Variants in PKHD1L1 observed in about 807,000 individuals in gnomAD.
PKHD1L1 encodes the protein PKHD1 like 1, also known as fibrocystin-L.
In PKHD1L1, 434 loss-of-function variants were observed where a neutral mutation model predicts 462.9. The observed-to-expected ratio is 0.94, with a 90% CI of 0.87 to 1.02. PKHD1L1 has a LOEUF of 1.02. Ranked by LOEUF, PKHD1L1 falls within the 50% of genes least tolerant of loss-of-function variation. The pLI is 0.00. For synonymous variants in PKHD1L1, 1,781 were observed against 1,750.0 expected (o/e 1.02, Z -0.44); for missense variants, 5,202 against 5,096.1 (o/e 1.02, Z -0.63).
chr8:109,457,702 GC>G (rs1179706022), intron 46 of PKHD1L1, among the ~76,000 whole-genome samples: 1 of 152,152 alleles, frequency 6.6e-6, no homozygotes, highest in African/African-American at 2.4e-5. Context: ...AGCAGTAAAA[GC>G]AGAACTTGGC....
rs777376117 is a variant in PKHD1L1, at chr8:109,464,710, C to T, written c.7878C>T (p.Ile2626=). 1 of 1,613,804 alleles carries T rather than the reference C, an allele frequency of 6.2e-7. No homozygotes were observed. Among genetic ancestry groups the T allele is most frequent in the African/African-American group, 1.3e-5 (1 of 75,038 alleles). Residue 2626 remains isoleucine (I), a synonymous_variant, in exon 49 of 78, where the codon ATC becomes ATT. Transcript: ENST00000378402. ...VHSQGWFGMW[I]FEEYFPMQTG... is the part of the protein sequence containing the mutation. ...CTCAAGGTTGGTTTGGAATGTGGAT[C>T]TTTGAGGAATATTTCCCCATGCAAA...
At chr8:109,366,818 G>T (rs945739722) in intron 2 of PKHD1L1, among the ~76,000 whole-genome samples, 3 of 151,314 alleles carry the variant, frequency 2.0e-5, no homozygotes, top group Non-Finnish European at 4.4e-5. Flanking sequence ...TCAGCCTCCT[G>T]AGTAGCTGGA....
Position 109,438,414 on chromosome 8 carries a change from CCAATTA to C in PKHD1L1, c.3719_3724del (p.Pro1240_Ile1242delinsLeu). The C allele has an allele frequency of 6.5e-7, 1 of 1,538,044 alleles. No homozygotes were observed. The highest frequency in any genetic ancestry group is 8.8e-7 in the Non-Finnish European group (1 of 1,138,438). On this transcript the variant is annotated inframe_deletion, in exon 31 of 78. Coordinates refer to ENST00000378402, the MANE Select transcript of PKHD1L1 (RefSeq NM_177531.6). ...TTTTAGTTATAATTGTTTACAGACA[CCAATTA>C]TAACTGATTTTAGTCCAAAAGTACG...
At position 109,530,962 on chromosome 8, in the gene PKHD1L1, G is replaced by C. The variant is rs1821027593; in HGVS notation, c.*872G>C. On this transcript the variant is annotated 3_prime_UTR_variant, in exon 78 of 78. Transcript: ENST00000378402. ...AAGATAAATTAGAGAATGCAAAAAA[G>C]CTACAGACTAAGGTAGCTAAGTTAA... 6.6e-6 allele frequency among the ~76,000 whole-genome samples: 1 copy of C among 152,144 alleles called. No individual in the cohort carries two copies. The highest frequency in any genetic ancestry group is 6.6e-5 in the Admixed American group (1 of 15,260).
rs748840183 is a variant in PKHD1L1 at position 109,413,454 on chromosome 8, T to A, written c.2269T>A (p.Tyr757Asn). Reference sequence around the variant, plus strand: ...AGCATACAAAGGATTCCTGGCAAATTATATTGGTCTAAAATTTCAGTACCA... The same window carrying A: ...AGCATACAAAGGATTCCTGGCAAATAATATTGGTCTAAAATTTCAGTACCA... ...CLAYKGFLAN[Y>N]IGLKFQYQDN... The change falls in exon 21 of 78, where the codon TAT (tyrosine) becomes AAT (asparagine). Residue 757 changes from tyrosine to asparagine, a missense_variant. Around this residue, in one of 3 missense-constraint regions of PKHD1L1, gnomAD observed 4,497 missense variants for 4,336.8 expected, o/e 1.04. Transcript: ENST00000378402. 1 of 1,574,170 alleles carries A rather than the reference T, an allele frequency of 6.4e-7. No homozygotes were observed.
intron 45 of PKHD1L1, among the ~76,000 whole-genome samples, 182 bp downstream of exon 45, chr8:109,455,034 C>T (rs557964059): frequency 1.3e-5 from 2 of 152,268 alleles, no homozygotes; most frequent in Non-Finnish European, 2.9e-5. Flanking sequence ...CAGGCTAGCC[C>T]AGACATCAAG....
At chr8:109,495,253 T>C (rs1198750249) in intron 63 of PKHD1L1, among the ~76,000 whole-genome samples, 1 of 152,080 alleles carries the variant, frequency 6.6e-6, no homozygotes, top group Non-Finnish European at 1.5e-5. Context: ...TTAAAGTGGC[T>C]TTTCTTTGAC....
At chr8:109,469,543 G>A (rs988202332) in intron 50 of PKHD1L1, among the ~76,000 whole-genome samples, 2 of 152,160 alleles carry the variant, frequency 1.3e-5, no homozygotes, top group African/African-American at 2.4e-5. Flanking sequence ...GCAGGGTAGA[G>A]AAGGGTGAAA....
intron 40 of PKHD1L1, among the ~76,000 whole-genome samples, 176 bp from the exon 41 acceptor site, chr8:109,450,799 T>C (rs1816444584): frequency 6.6e-6 from 1 of 152,234 alleles, no homozygotes. Flanking sequence ...GCATGAACTT[T>C]TGTAATGTTT....
At chr8:109,378,215 C>T (rs1354757725) in intron 2 of PKHD1L1, among the ~76,000 whole-genome samples, 1 of 152,148 alleles carries the variant, frequency 6.6e-6, no homozygotes, top group African/African-American at 2.4e-5. Context: ...TGCCATTTAT[C>T]CCATTATTTA....
chr8:109,404,840 A>G (rs993021903), intron 15 of PKHD1L1, 127 bp downstream of exon 15: 78 of 1,185,818 alleles, frequency 6.6e-5, no homozygotes, highest in Non-Finnish European at 8.4e-5. Flanking sequence ...TTATTAAATT[A>G]TGACTTTGAG....
intron 6 of PKHD1L1, among the ~76,000 whole-genome samples, chr8:109,386,756 C>T (rs1812461737): frequency 6.6e-6 from 1 of 152,116 alleles, no homozygotes; most frequent in Non-Finnish European, 1.5e-5. Flanking sequence ...TATTCTAATT[C>T]TTAGACAGGT....
At chr8:109,439,355 G>C (rs1815637896) in intron 32 of PKHD1L1, among the ~76,000 whole-genome samples, 1 of 152,082 alleles carries the variant, frequency 6.6e-6, no homozygotes, top group African/African-American at 2.4e-5. Flanking sequence ...GATTCACTCA[G>C]GAAATGCATA....
At chr8:109,373,885 T>C (rs1772733958) in intron 2 of PKHD1L1, among the ~76,000 whole-genome samples, 2 of 152,240 alleles carry the variant, frequency 1.3e-5, no homozygotes, top group Non-Finnish European at 2.9e-5. Context: ...TTATAATTTC[T>C]ATTCTTTTAC....
chr8:109,412,379 C>A lies in PKHD1L1; in HGVS notation c.2200C>A (p.Pro734Thr). ...AGCAGATGTTAAACCAAACAGACGA[C>A]CATATGGAGATATTTTATTGTTTCC... ...DSADVKPNRR[P>T]YGDILLFPYN... is the part of the protein sequence containing the mutation. The change falls in exon 20 of 78, where the codon CCA becomes ACA. Residue 734 changes from proline to threonine, a missense_variant. By Grantham distance (38) the Pro-to-Thr change is conservative (BLOSUM62 -1). Coordinates refer to ENST00000378402, the MANE Select transcript of PKHD1L1 (RefSeq NM_177531.6). The A allele has an allele frequency of 6.2e-7, 1 of 1,613,188 alleles. No homozygotes were observed. Among genetic ancestry groups the A allele is most frequent in the South Asian group, 1.1e-5 (1 of 90,994 alleles).
chr8:109,404,803 G>T, intron 15 of PKHD1L1, 90 bp downstream of exon 15: 1 of 1,322,210 alleles, frequency 7.6e-7, no homozygotes, highest in Non-Finnish European at 1.0e-6. Flanking sequence ...GTAAGATACT[G>T]TTTTAGGTGA....
chr8:109,461,849 ATGTTTCATGCTCCTGTACC>A lies in PKHD1L1; in HGVS notation c.7327_7345del (p.Phe2443ValfsTer5). ...AAGTGACCAATTTGGAGGCTGCGTT[ATGTTTCATGCTCCTGTACC>A]TGGTGCTAACATGGTAACTGGGAGA... is the stretch of plus-strand genomic sequence containing the variant. On this transcript the variant is annotated frameshift_variant, in exon 48 of 78. Coordinates refer to ENST00000378402, the MANE Select transcript of PKHD1L1 (RefSeq NM_177531.6). LOFTEE classifies it high-confidence loss of function. 6.2e-7 allele frequency: 1 copy of A among 1,606,678 alleles called. No individual in the cohort carries two copies.
intron 68 of PKHD1L1, among the ~76,000 whole-genome samples, chr8:109,506,084 C>A (rs1256252907): frequency 5.9e-5 from 9 of 152,148 alleles, no homozygotes; most frequent in Non-Finnish European, 1.0e-4. Flanking sequence ...TTAGTTGTCA[C>A]TGAATCTTTC....
intron 4 of PKHD1L1, among the ~76,000 whole-genome samples, chr8:109,383,480 CTA>C (rs946178369): frequency 1.4e-3 from 179 of 124,504 alleles, no homozygotes; most frequent in African/African-American, 5.0e-3. Context: ...ATATATAAAA[CTA>C]TTTTTATATA....
Sources: allele counts gnomAD v4.1 joint callset (sites outside exome capture counted in the v4.1 genomes callset), GRCh38; gene constraint gnomAD v4.1.1; regional missense constraint gnomAD v4.1.1; transcripts MANE v1.5; gene names NCBI Gene and HGNC (gene_info 2026-07-23, HGNC 2026-07-21).